DIAPH2: variants seen among roughly 807,000 people sequenced by gnomAD.
The protein encoded by DIAPH2 is protein diaphanous homolog 2.
DIAPH2 carries 35 observed loss-of-function variants against 92.7 expected under a neutral mutation model. That is an observed-to-expected ratio of 0.38 (90% CI 0.29 to 0.50). The LOEUF (loss-of-function observed/expected upper bound fraction) is 0.50, where lower values mean the gene tolerates loss of function less well. Ranked by LOEUF, DIAPH2 falls within the 20% of genes least tolerant of loss-of-function variation. DIAPH2 has a pLI of 0.94. For synonymous variants in DIAPH2, 301 were observed against 280.4 expected, an observed-to-expected ratio of 1.07 and a Z score of -0.73; for missense variants, 701 against 819.5, an observed-to-expected ratio of 0.86 and a Z score of 1.77.
intron 4 of DIAPH2, among the ~76,000 whole-genome samples, chrX:96,856,115 G>C (rs1254781706): frequency 8.9e-6 from 1 of 111,870 alleles, no homozygotes; most frequent in Non-Finnish European, 1.9e-5. Flanking sequence ...GTGTGGAGTG[G>C]AGGGAGGAAT....
intron 25 of DIAPH2, among the ~76,000 whole-genome samples, chrX:97,406,212 G>A (rs769580633): frequency 8.9e-6 from 1 of 111,941 alleles, no homozygotes; most frequent in East Asian, 2.8e-4. Context: ...TGTTAACAAG[G>A]TTTTTCTCAG....
At chrX:97,186,784 G>A (rs373603735) in intron 22 of DIAPH2, among the ~76,000 whole-genome samples, 1 of 111,736 alleles carries the variant, frequency 8.9e-6, no homozygotes, top group Non-Finnish European at 1.9e-5. Flanking sequence ...AGCCTACAGG[G>A]CCTAGCCCAT....
intron 4 of DIAPH2, among the ~76,000 whole-genome samples, chrX:96,819,430 A>G (rs1356366149): frequency 2.7e-5 from 3 of 112,165 alleles, no homozygotes; most frequent in Admixed American, 9.4e-5. Flanking sequence ...TTCAAATTCC[A>G]TAAGAGCAAA....
chrX:97,242,708 C>T (rs1282534836), intron 22 of DIAPH2, among the ~76,000 whole-genome samples: 3 of 110,407 alleles, frequency 2.7e-5, no homozygotes, highest in Non-Finnish European at 5.7e-5. Context: ...ATCTGGAGAC[C>T]AGGACTGACT....
intron 17 of DIAPH2, among the ~76,000 whole-genome samples, chrX:97,031,588 T>A (rs1232381257): frequency 3.6e-5 from 4 of 111,661 alleles, no homozygotes; most frequent in African/African-American, 1.3e-4. Context: ...CTTTCTTTTG[T>A]CAATTCACAT....
intron 23 of DIAPH2, among the ~76,000 whole-genome samples, chrX:97,318,284 A>G (rs1299295667): frequency 9.2e-6 from 1 of 108,838 alleles, no homozygotes; most frequent in Non-Finnish European, 1.9e-5. Flanking sequence ...GATTACAGGC[A>G]CCTGCCACCA....
chrX:97,017,963 G>A, intron 17 of DIAPH2, among the ~76,000 whole-genome samples: 1 of 112,429 alleles, frequency 8.9e-6, no homozygotes, highest in East Asian at 2.8e-4. Context: ...AATATAGCAG[G>A]ATCTTAGTTG....
At chrX:96,939,580 G>GTATA (rs1219076192) in intron 12 of DIAPH2, among the ~76,000 whole-genome samples, 198 bp downstream of exon 12, 1 of 59,064 alleles carries the variant, frequency 1.7e-5, no homozygotes, top group Non-Finnish European at 3.5e-5. Context: ...GTGTGTGTGT[G>GTATA]TATATGTGTG....
chrX:96,709,635 A>T (rs898646853), intron 1 of DIAPH2, among the ~76,000 whole-genome samples: 1 of 111,959 alleles, frequency 8.9e-6, no homozygotes, highest in Non-Finnish European at 1.9e-5. Context: ...GTTGAAGGTA[A>T]TGTTTGCTTT....
At chrX:96,718,953 T>C in intron 1 of DIAPH2, among the ~76,000 whole-genome samples, 1 of 111,595 alleles carries the variant, frequency 9.0e-6, no homozygotes, top group East Asian at 2.8e-4. Flanking sequence ...TGTTATTGCC[T>C]GTCTTTTGGA....
chrX:96,974,830 G>A (rs1602680266), intron 17 of DIAPH2, among the ~76,000 whole-genome samples: 2 of 110,937 alleles, frequency 1.8e-5, no homozygotes, highest in Admixed American at 1.9e-4. Flanking sequence ...AAGTAATGAT[G>A]GTTGATATTA....
chrX:97,519,641 CCCAGATAT>C (rs2070976232), intron 26 of DIAPH2, among the ~76,000 whole-genome samples: 1 of 112,232 alleles, frequency 8.9e-6, no homozygotes, highest in African/African-American at 3.2e-5. Flanking sequence ...TCAGTGGTGG[CCCAGATAT>C]CCATCTGTCA....
At chrX:97,553,992 G>T (rs1200961153) in intron 26 of DIAPH2, among the ~76,000 whole-genome samples, 2 of 111,584 alleles carry the variant, frequency 1.8e-5, no homozygotes. Flanking sequence ...CCTTGTATAT[G>T]TATGTGCATA....
chrX:97,561,394 G>A (rs995835501), intron 26 of DIAPH2, among the ~76,000 whole-genome samples: 2 of 112,241 alleles, frequency 1.8e-5, no homozygotes, highest in Non-Finnish European at 3.8e-5. Flanking sequence ...ACAAACAGGT[G>A]ACTGCTGCCT....
intron 17 of DIAPH2, among the ~76,000 whole-genome samples, chrX:97,032,234 A>G (rs191893416): frequency 3.6e-5 from 4 of 111,304 alleles, no homozygotes; most frequent in African/African-American, 6.5e-5. Flanking sequence ...AGAAGGGGCC[A>G]TTTGGTCTTG....
At chrX:97,249,875 C>T (rs746709692) in intron 23 of DIAPH2, among the ~76,000 whole-genome samples, 1 of 110,974 alleles carries the variant, frequency 9.0e-6, no homozygotes, top group Admixed American at 9.5e-5. Flanking sequence ...CTGAGGCGGG[C>T]GGATCACCTG....
At chrX:96,793,203 C>T (rs2064513071) in intron 4 of DIAPH2, among the ~76,000 whole-genome samples, 1 of 112,196 alleles carries the variant, frequency 8.9e-6, no homozygotes, top group Non-Finnish European at 1.9e-5. Context: ...CTCTGTCGCC[C>T]AGGCTAGAGT....
At chrX:97,331,865 T>C (rs1310289125) in intron 23 of DIAPH2, among the ~76,000 whole-genome samples, 2 of 111,611 alleles carry the variant, frequency 1.8e-5, no homozygotes, top group Admixed American at 1.9e-4. Flanking sequence ...GTCAGGGGTA[T>C]CAAACAGCCC....
chrX:97,003,742 C>A (rs1029634897), intron 17 of DIAPH2, among the ~76,000 whole-genome samples: 2 of 111,661 alleles, frequency 1.8e-5, no homozygotes, highest in African/African-American at 6.5e-5. Flanking sequence ...ATATTTCCTG[C>A]CATCCTGTGG....
Sources: allele counts gnomAD v4.1 joint callset (sites outside exome capture counted in the v4.1 genomes callset), GRCh38; gene constraint gnomAD v4.1.1; transcripts MANE v1.5; gene names NCBI Gene and HGNC (gene_info 2026-07-23, HGNC 2026-07-21).